PRR4: variants seen among roughly 807,000 people sequenced by gnomAD.
PRR4 encodes proline-rich protein 4.
In PRR4, 7 loss-of-function variants were observed where a neutral mutation model predicts 7.6. The observed-to-expected ratio is 0.92, with a 90% CI of 0.52 to 1.73. The LOEUF is 1.73. Among genes scored for constraint, PRR4 ranks in the 40% most tolerant of loss-of-function variants. The pLI is 0.00. For synonymous variants in PRR4, 64 were observed against 58.5 expected (o/e 1.09, Z -0.43); for missense variants, 187 against 161.0 (o/e 1.16, Z -0.87).
chr12:10,849,462 C>G lies in PRR4; in HGVS notation c.-25G>C, dbSNP rs1343574273. The G allele has an allele frequency of 6.4e-7, 1 of 1,570,638 alleles. No homozygotes were observed. On this transcript the variant is annotated 5_prime_UTR_variant, in exon 1 of 4. Transcript: ENST00000228811. ...TCTTGAAGGAGGCTCTGGAGTTGCT[C>G]CCAACTCTGCGTTGAGAGAAACATG...
At chr12:10,847,397 A>G (rs745899434) in intron 2 of PRR4, 30 bp from the exon 3 acceptor site, 3 of 1,440,686 alleles carry the variant, frequency 2.1e-6, no homozygotes, top group East Asian at 2.3e-5. Flanking sequence ...ACAAGAATGC[A>G]TGAGCTCAGT....
chr12:10,848,448 A>G, intron 1 of PRR4, 41 bp from the exon 2 acceptor site: 1 of 1,595,584 alleles, frequency 6.3e-7, no homozygotes, highest in Non-Finnish European at 8.6e-7. Context: ...ATTACCTCAT[A>G]AATCTTTCAG....
intron 2 of PRR4, 56 bp downstream of exon 2, chr12:10,848,316 G>T (rs1348209067): frequency 1.3e-6 from 2 of 1,538,480 alleles, no homozygotes; most frequent in South Asian, 1.2e-5. Flanking sequence ...AAACTAAAAA[G>T]AAATTCTAGT....
At position 10,847,095 on chromosome 12, in the gene PRR4, C is replaced by T. The variant is rs756723019; in HGVS notation, c.373G>A (p.Ala125Thr). 1.2e-6 allele frequency: 2 copies of T among 1,603,044 alleles called. No homozygotes were observed. Among genetic ancestry groups the T allele is most frequent in the Non-Finnish European group, 1.7e-6 (2 of 1,173,126 alleles). Reference sequence around the variant, plus strand: ...AGTGGTTGCTCCTGGGGATGTCTTGCTGGTCTGTCCCTCTGGAAGAATGAT... The same window carrying T: ...AGTGGTTGCTCCTGGGGATGTCTTGTTGGTCTGTCCCTCTGGAAGAATGAT... ...ASSFFQRDRP[A>T]RHPQEQPLW is the part of the protein sequence containing the mutation. The change falls in exon 3 of 4, where the codon GCA becomes ACA. Residue 125 changes from alanine (A) to threonine (T), a missense_variant. Transcript: ENST00000228811.
At chr12:10,848,675 A>T (rs1949055868) in intron 1 of PRR4, 1 of 383,974 alleles carries the variant, frequency 2.6e-6, no homozygotes, top group Non-Finnish European at 4.6e-6. Context: ...TAATTTAGGC[A>T]CACTTCTCTG....
intron 3 of PRR4, among the ~76,000 whole-genome samples, chr12:10,846,190 A>G (rs371753238): frequency 6.6e-6 from 1 of 152,226 alleles, no homozygotes; most frequent in Non-Finnish European, 1.5e-5. Context: ...ATCAATTAAC[A>G]GTGGTTGACT....
Position 10,847,108 on chromosome 12 carries a change from C to A in PRR4, c.360G>T (p.Gln120His). ...GGGGATGTCTTGCTGGTCTGTCCCT[C>A]TGGAAGAATGATGATGCTTCCTGCA... ...VSLQEASSFF[Q>H]RDRPARHPQE... is the part of the protein sequence containing the mutation. The change falls in exon 3 of 4, where the codon CAG becomes CAT. Residue 120 changes from glutamine to histidine, a missense_variant. Coordinates refer to ENST00000228811, the MANE Select transcript of PRR4 (RefSeq NM_007244.3). 6.2e-7 allele frequency: 1 copy of A among 1,610,778 alleles called. No homozygotes were observed. Among genetic ancestry groups the A allele is most frequent in the South Asian group, 1.1e-5 (1 of 90,376 alleles).
intron 3 of PRR4, 52 bp downstream of exon 3, chr12:10,846,993 T>A (rs1033055759): frequency 2.8e-6 from 4 of 1,411,998 alleles, no homozygotes; most frequent in East Asian, 2.3e-5. Context: ...ACGATAAAGT[T>A]TGGGAATGGT....
At chr12:10,849,236 C>T (rs1949063266) in intron 1 of PRR4, 138 bp downstream of exon 1, 2 of 427,654 alleles carry the variant, frequency 4.7e-6, no homozygotes, top group Middle Eastern at 6.0e-4. Context: ...CTCCAAAGCC[C>T]TACCCTTCTT....
At chr12:10,847,507 G>T in intron 2 of PRR4, 140 bp from the exon 3 acceptor site, 3 of 467,804 alleles carry the variant, frequency 6.4e-6, no homozygotes, top group African/African-American at 2.0e-5. Context: ...TGTGCCCACT[G>T]TTTTTTTTTT....
In PRR4 at chr12:10,845,962, A is replaced by G; in HGVS notation, c.*19-12T>C. The G allele has an allele frequency of 7.5e-7, 1 of 1,338,100 alleles. No homozygotes were observed. The highest frequency in any genetic ancestry group is 9.8e-7 in the Non-Finnish European group (1 of 1,020,706). The allele number at this position is 1,338,100 out of a possible 1,614,324, so 82.9% of individuals were successfully genotyped here. A position where few individuals can be genotyped will look rare whatever the true frequency, so the allele number is the denominator to read the frequency against. On this transcript the variant is annotated splice_polypyrimidine_tract_variant and intron_variant, in intron 3 of 3. Transcript: ENST00000228811. ...TTCTTATTTATTTTCTGAAACAAAA[A>G]AAAAAACCAAGGAAATTTATACACA...
intron 2 of PRR4, among the ~76,000 whole-genome samples, chr12:10,847,944 GAA>G (rs1425287422): frequency 6.6e-6 from 1 of 152,206 alleles, no homozygotes; most frequent in Non-Finnish European, 1.5e-5. Context: ...TCAACACAGA[GAA>G]AAGACATTCA....
Position 10,847,128 on chromosome 12 carries a change from C to T in PRR4, c.340G>A (p.Glu114Lys). 6.2e-7 allele frequency: 1 copy of T among 1,613,204 alleles called. No individual in the cohort carries two copies. The highest frequency in any genetic ancestry group is 2.2e-5 in the East Asian group (1 of 44,854). Residue 114 changes from glutamate to lysine, a missense_variant, in exon 3 of 4, where the codon GAA (glutamate) becomes AAA (lysine). Physicochemically the swap from Glu to Lys is moderately conservative, Grantham distance 56 (BLOSUM62 1). Coordinates refer to ENST00000228811, the MANE Select transcript of PRR4 (RefSeq NM_007244.3). Reference protein sequence around the residue: ...LPRFPSVSLQEASSFFQRDRP... With the variant: ...LPRFPSVSLQKASSFFQRDRP... ...TCCCTCTGGAAGAATGATGATGCTT[C>T]CTGCAGGCTGACAGAAGGAAATCGG...
At position 10,847,133 on chromosome 12, in the gene PRR4, A is replaced by G. The variant is rs1949028316; in HGVS notation, c.335T>C (p.Leu112Pro). ...CTGGAAGAATGATGATGCTTCCTGC[A>G]GGCTGACAGAAGGAAATCGGGGTAG... The part of the protein sequence containing the change: ...LSLPRFPSVS[L>P]QEASSFFQRD... The change falls in exon 3 of 4, where the codon CTG (leucine) becomes CCG (proline). Residue 112 changes from leucine to proline, a missense_variant. By Grantham distance (98) the Leu-to-Pro change is moderately conservative. Transcript: ENST00000228811. The G allele has an allele frequency of 6.2e-7, 1 of 1,613,194 alleles. No individual in the cohort carries two copies. Among genetic ancestry groups the G allele is most frequent in the Admixed American group, 1.7e-5 (1 of 59,952 alleles).
chr12:10,848,427 A>T lies in PRR4; in HGVS notation c.65-20T>A. 1 of 1,610,240 alleles carries T rather than the reference A, an allele frequency of 6.2e-7. No homozygotes were observed. The highest frequency in any genetic ancestry group is 1.1e-5 in the South Asian group (1 of 90,784). On this transcript the variant is annotated intron_variant, in intron 1 of 3. Coordinates refer to ENST00000228811, the MANE Select transcript of PRR4 (RefSeq NM_007244.3). ...TCACATCTAGGAAAAGAAGCACAGG[A>T]TGAAGTGAACATTACCTCATAAATC...
chr12:10,848,463 C>T (rs1429179586), intron 1 of PRR4, 56 bp from the exon 2 acceptor site: 2 of 1,557,370 alleles, frequency 1.3e-6, no homozygotes, highest in South Asian at 1.1e-5. Context: ...TTTCAGGGCT[C>T]ATAGTGGTCT....
intron 3 of PRR4, 40 bp from the exon 4 acceptor site, chr12:10,845,990 A>T (rs1400543213): frequency 7.9e-7 from 1 of 1,265,344 alleles, no homozygotes; most frequent in Non-Finnish European, 1.0e-6. Context: ...TATACACAAC[A>T]TACAACATGG....
Position 10,846,969 on chromosome 12 carries a change from A to G in PRR4, c.*18+76T>C, listed in dbSNP as rs372491724. 8 of 1,291,452 alleles carry G rather than the reference A, an allele frequency of 6.2e-6. No homozygotes were observed. The African/African-American group carries it at 8.8e-5, about 14-fold the overall frequency. 80.0% of individuals were successfully genotyped at this position (1,291,452 alleles called of 1,614,324 possible). ...ATTATGTAATTTCAACATATTTCCA[A>G]TTGATTTGTGAACACGATAAAGTTT... On this transcript the variant is annotated intron_variant, in intron 3 of 3. Transcript: ENST00000228811.
chr12:10,847,161 A>G lies in PRR4; in HGVS notation c.307T>C (p.Ser103Pro). Residue 103 changes from serine to proline, a missense_variant, in exon 3 of 4, where the codon TCT becomes CCT. Physicochemically the swap from Ser to Pro is moderately conservative, Grantham distance 74. Transcript: ENST00000228811. ...CTGACAGAAGGAAATCGGGGTAGAG[A>G]GAGTTGACGGTGTCCTCGTCGGGGT... ...RPPRRGHRQL[S>P]LPRFPSVSLQ... 6.2e-7 allele frequency: 1 copy of G among 1,613,654 alleles called. No homozygotes were observed. The highest frequency in any genetic ancestry group is 8.5e-7 in the Non-Finnish European group (1 of 1,179,830).
Sources: allele counts gnomAD v4.1 joint callset (sites outside exome capture counted in the v4.1 genomes callset), GRCh38; gene constraint gnomAD v4.1.1; transcripts MANE v1.5; gene names NCBI Gene and HGNC (gene_info 2026-07-23, HGNC 2026-07-21).